DCT: variants seen among roughly 807,000 people sequenced by gnomAD.
The protein encoded by DCT is dopachrome tautomerase.
DCT carries 47 observed loss-of-function variants against 53.0 expected under a neutral mutation model. That is an observed-to-expected ratio of 0.89 (90% CI 0.70 to 1.13). The LOEUF (loss-of-function observed/expected upper bound fraction) is 1.13. Among genes scored for constraint, DCT ranks in the 50% most tolerant of loss-of-function variants. DCT has a pLI of 0.00. For synonymous variants in DCT, 244 were observed against 237.0 expected (o/e 1.03, Z -0.27); for missense variants, 669 against 637.4 (o/e 1.05, Z -0.53).
the DCT span, among the ~76,000 whole-genome samples, chr13:94,526,569 G>A: frequency 6.6e-6 from 1 of 152,142 alleles, no homozygotes; most frequent in African/African-American, 2.4e-5. Flanking sequence ...GTTCAAGGTT[G>A]CAGTGAGCTA....
At chr13:94,454,191 T>A (rs1297454694) in intron 6 of DCT, among the ~76,000 whole-genome samples, 1 of 152,204 alleles carries the variant, frequency 6.6e-6, no homozygotes, top group Non-Finnish European at 1.5e-5. Flanking sequence ...CCATTTAGAA[T>A]GTCAACGTAC....
chr13:94,508,968 G>A, the DCT span, among the ~76,000 whole-genome samples: 1 of 152,252 alleles, frequency 6.6e-6, no homozygotes, highest in Admixed American at 6.5e-5. Flanking sequence ...CTGAGCCTTT[G>A]CTTTGCCACT....
At chr13:94,523,853 C>T in the DCT span, among the ~76,000 whole-genome samples, 1 of 152,052 alleles carries the variant, frequency 6.6e-6, no homozygotes, top group Non-Finnish European at 1.5e-5. Context: ...AAGAAATTAC[C>T]TAAAATTCTG....
chr13:94,530,056 A>T, the DCT span, among the ~76,000 whole-genome samples: 2 of 152,190 alleles, frequency 1.3e-5, no homozygotes, highest in Non-Finnish European at 2.9e-5. Context: ...TCCTGGACAC[A>T]TACACCCTCC....
the DCT span, among the ~76,000 whole-genome samples, chr13:94,525,697 AT>A: frequency 6.6e-6 from 1 of 152,072 alleles, no homozygotes; most frequent in South Asian, 2.1e-4. Flanking sequence ...CTTTTAATGA[AT>A]TTTCTCAGCT....
chr13:94,528,855 A>G, the DCT span, among the ~76,000 whole-genome samples: 2 of 151,772 alleles, frequency 1.3e-5, no homozygotes, highest in East Asian at 3.9e-4. Context: ...CAAATTGGAT[A>G]AAGAGTCAAG....
chr13:94,439,255 AT>A lies in DCT; in HGVS notation c.*642del, dbSNP rs1882102039. 1 of 152,378 alleles carries A rather than the reference AT, an allele frequency of 6.6e-6. No individual in the cohort carries two copies. The highest frequency in any genetic ancestry group is 1.5e-5 in the Non-Finnish European group (1 of 68,176). 9.4% of individuals were successfully genotyped at this position (152,378 alleles called of 1,614,324 possible). On this transcript the variant is annotated 3_prime_UTR_variant, in exon 8 of 8. Coordinates refer to ENST00000377028, the MANE Select transcript of DCT (RefSeq NM_001922.5). ...AATCTAGTTTACACAATAGAGTGGA[AT>A]TGATCCTTCATTTAGTCATTTTCCA...
At chr13:94,527,958 C>G in the DCT span, among the ~76,000 whole-genome samples, 2 of 152,146 alleles carry the variant, frequency 1.3e-5, no homozygotes, top group Admixed American at 6.5e-5. Flanking sequence ...CCTGATGAAG[C>G]TGAAAACCAT....
the DCT span, among the ~76,000 whole-genome samples, chr13:94,495,217 C>A: frequency 6.6e-6 from 1 of 152,184 alleles, no homozygotes; most frequent in South Asian, 2.1e-4. Flanking sequence ...CCAGCTCAGC[C>A]TCCTGAGTAG....
intron 4 of DCT, among the ~76,000 whole-genome samples, chr13:94,464,303 C>T (rs1884014725): frequency 6.6e-6 from 1 of 152,166 alleles, no homozygotes; most frequent in Admixed American, 6.5e-5. Flanking sequence ...CTGGAGCAGT[C>T]TAAGGACCTG....
chr13:94,449,001 G>A (rs530832080), intron 6 of DCT, among the ~76,000 whole-genome samples: 1 of 151,634 alleles, frequency 6.6e-6, no homozygotes, highest in Non-Finnish European at 1.5e-5. Flanking sequence ...TAGAAACTGA[G>A]TACTTCAGAA....
the DCT span, among the ~76,000 whole-genome samples, chr13:94,541,667 G>A: frequency 1.7e-4 from 26 of 152,246 alleles, no homozygotes; most frequent in East Asian, 3.9e-4. Context: ...GAAGTAATTC[G>A]AGGAGTGGAT....
chr13:94,533,604 G>A, the DCT span, among the ~76,000 whole-genome samples: 1 of 152,186 alleles, frequency 6.6e-6, no homozygotes, highest in Admixed American at 6.5e-5. Flanking sequence ...GGCCAACATA[G>A]TGAAACCCTG....
intron 4 of DCT, among the ~76,000 whole-genome samples, 156 bp from the exon 5 acceptor site, chr13:94,462,345 C>T (rs3759421): frequency 0.14 from 21,208 of 151,602 alleles, 1,605 homozygotes; most frequent in South Asian, 0.19. Flanking sequence ...ACTAAAAATA[C>T]AAAAATTAGC....
chr13:94,441,449 G>A (rs939591160), intron 7 of DCT, among the ~76,000 whole-genome samples: 2 of 151,924 alleles, frequency 1.3e-5, no homozygotes, highest in Non-Finnish European at 2.9e-5. Context: ...TGCGACCATC[G>A]CCACCATCCA....
chr13:94,518,076 AGAAG>A, the DCT span, among the ~76,000 whole-genome samples: 33 of 149,564 alleles, frequency 2.2e-4, no homozygotes, highest in East Asian at 3.4e-3. Context: ...AGAAAAGAAA[AGAAG>A]GAAGGAAGGA....
chr13:94,458,517 C>T (rs760493247), intron 6 of DCT, among the ~76,000 whole-genome samples: 13 of 152,086 alleles, frequency 8.5e-5, no homozygotes, highest in Non-Finnish European at 1.5e-4. Context: ...ACTTTAAAAA[C>T]TAAAGACTGG....
the DCT span, among the ~76,000 whole-genome samples, chr13:94,493,237 C>A: frequency 1.3e-5 from 2 of 152,090 alleles, no homozygotes; most frequent in Non-Finnish European, 2.9e-5. Flanking sequence ...GCCAGCTTCT[C>A]GAAATTTAGA....
At position 94,462,048 on chromosome 13, in the gene DCT, G is replaced by A. The variant is rs758950858; in HGVS notation, c.1005C>T (p.Asp335=). ...IRDCLSLQKF[D]NPPFFQNSTF... is the part of the protein sequence containing the mutation. The stretch of plus-strand genomic sequence containing the variant: ...TAGAGTTCTGGAAGAAGGGAGGATT[G>A]TCAAACTTCTGGAGAGACAGGCAAT... The change falls in exon 5 of 8, where the codon GAC becomes GAT. Residue 335 remains aspartate, a synonymous_variant. Coordinates refer to ENST00000377028, the MANE Select transcript of DCT (RefSeq NM_001922.5). 7 of 1,613,152 alleles carry A rather than the reference G, an allele frequency of 4.3e-6. No individual in the cohort carries two copies. In the Admixed American group the frequency reaches 1.2e-4, roughly 27 times the overall value.
Sources: allele counts gnomAD v4.1 joint callset (sites outside exome capture counted in the v4.1 genomes callset), GRCh38; gene constraint gnomAD v4.1.1; transcripts MANE v1.5; gene names NCBI Gene and HGNC (gene_info 2026-07-23, HGNC 2026-07-21).